TNIK: variants seen among roughly 807,000 people sequenced by gnomAD.
The protein encoded by TNIK is TRAF2 and NCK interacting kinase.
A neutral mutation model predicts 191.3 loss-of-function variants in TNIK; 49 were observed. That is an observed-to-expected ratio of 0.26 (90% CI 0.20 to 0.32). TNIK has a LOEUF of 0.32. Among genes scored for constraint, TNIK ranks in the 10% least tolerant of loss-of-function variants. The probability of loss-of-function intolerance (pLI) is 1.00; values close to 1 mark genes in which losing one functional copy is unlikely to be tolerated. For missense variants in TNIK, 1,155 were observed against 1,702.3 expected (o/e 0.68, Z 5.66); for synonymous variants, 594 against 600.9 (o/e 0.99, Z 0.17).
chr3:171,392,778 CAAAAAAAAA>C (rs60306915), intron 1 of TNIK, among the ~76,000 whole-genome samples: 2 of 95,282 alleles, frequency 2.1e-5, no homozygotes, highest in Non-Finnish European at 4.1e-5. Context: ...GATTCTGTCT[CAAAAAAAAA>C]AAAAAAAAGA....
chr3:171,070,343 G>C (rs1719021535), intron 29 of TNIK, among the ~76,000 whole-genome samples: 2 of 152,114 alleles, frequency 1.3e-5, no homozygotes, highest in Non-Finnish European at 2.9e-5. Context: ...CCCTTCATGA[G>C]AATGTGGCAG....
At chr3:171,318,190 T>G (rs578254422) in intron 2 of TNIK, among the ~76,000 whole-genome samples, 1 of 152,288 alleles carries the variant, frequency 6.6e-6, no homozygotes, top group South Asian at 2.1e-4. Flanking sequence ...TAGATTGAAA[T>G]GTCTCTGGAA....
chr3:171,428,659 A>G (rs372553131), intron 1 of TNIK, among the ~76,000 whole-genome samples: 99 of 141,840 alleles, frequency 7.0e-4, no homozygotes, highest in African/African-American at 2.6e-3. Context: ...TCCAAAGAGC[A>G]CTCCCGCAGG....
chr3:171,145,472 C>A (rs2108655593), intron 12 of TNIK, among the ~76,000 whole-genome samples: 1 of 152,202 alleles, frequency 6.6e-6, no homozygotes, highest in East Asian at 1.9e-4. Context: ...CTATTGGGGG[C>A]AGTTTTGATC....
At chr3:171,158,947 C>T (rs566983130) in intron 11 of TNIK, among the ~76,000 whole-genome samples, 2 of 152,222 alleles carry the variant, frequency 1.3e-5, no homozygotes, top group South Asian at 2.1e-4. Flanking sequence ...TTTTGAGCAA[C>T]TGAACACCAG....
chr3:171,218,775 T>A (rs1039703502), intron 3 of TNIK, among the ~76,000 whole-genome samples: 81 of 145,036 alleles, frequency 5.6e-4, no homozygotes, highest in African/African-American at 1.9e-3. Context: ...TATACATGTA[T>A]TATATGCATA....
At chr3:171,260,658 T>C (rs1408279396) in intron 2 of TNIK, among the ~76,000 whole-genome samples, 1 of 152,208 alleles carries the variant, frequency 6.6e-6, no homozygotes, top group Non-Finnish European at 1.5e-5. Context: ...CAATGGTGGC[T>C]GCACCATCTG....
intron 12 of TNIK, among the ~76,000 whole-genome samples, chr3:171,150,544 C>T (rs1013203678): frequency 7.2e-5 from 11 of 152,314 alleles, no homozygotes; most frequent in Admixed American, 7.2e-4. Context: ...AAATTTCATG[C>T]AGCCACTTGG....
At chr3:171,357,980 T>C (rs1199056581) in intron 2 of TNIK, among the ~76,000 whole-genome samples, 1 of 152,076 alleles carries the variant, frequency 6.6e-6, no homozygotes, top group African/African-American at 2.4e-5. Context: ...AGTGTGGGGC[T>C]ACTCTGTGGA....
intron 23 of TNIK, among the ~76,000 whole-genome samples, chr3:171,091,603 C>T (rs867755216): frequency 5.3e-5 from 8 of 152,122 alleles, no homozygotes; most frequent in Middle Eastern, 3.4e-3. Flanking sequence ...TTTAGCTGGG[C>T]GTGCACCCGT....
chr3:171,236,509 C>T (rs936337238), intron 2 of TNIK, among the ~76,000 whole-genome samples: 1 of 152,136 alleles, frequency 6.6e-6, no homozygotes, highest in Admixed American at 6.5e-5. Context: ...CAACAGCTTA[C>T]CAGAGGAAAG....
At position 171,284,126 on chromosome 3, in the gene TNIK, G is replaced by A. The variant is rs544289155; in HGVS notation, c.124-55905C>T. Among the ~76,000 whole-genome samples the A allele has an allele frequency of 1.1e-4, 17 of 152,012 alleles. No homozygotes were observed. In the South Asian group the frequency reaches 2.9e-3, roughly 26 times the overall value. On this transcript the variant is annotated intron_variant, in intron 2 of 32. Transcript: ENST00000436636. ...TGAATCTGAAACTCTGGAGGGGGGC[G>A]GCAGGGAGGAGGGCAGGAATTTGTG...
intron 2 of TNIK, among the ~76,000 whole-genome samples, chr3:171,248,598 T>C (rs1745877174): frequency 6.6e-6 from 1 of 152,080 alleles, no homozygotes; most frequent in Non-Finnish European, 1.5e-5. Flanking sequence ...AACAGGTGTG[T>C]AGGGTGTGAG....
At chr3:171,171,302 A>G (rs1455156243) in intron 9 of TNIK, among the ~76,000 whole-genome samples, 1 of 152,176 alleles carries the variant, frequency 6.6e-6, no homozygotes, top group Non-Finnish European at 1.5e-5. Flanking sequence ...TCTGATACAC[A>G]CACACGAACT....
chr3:171,359,688 C>T (rs772916555), intron 2 of TNIK, among the ~76,000 whole-genome samples: 1 of 152,060 alleles, frequency 6.6e-6, no homozygotes, highest in Non-Finnish European at 1.5e-5. Context: ...TTTGCATATG[C>T]AAAATATCCA....
intron 1 of TNIK, among the ~76,000 whole-genome samples, chr3:171,392,278 A>G: frequency 6.6e-6 from 1 of 152,202 alleles, no homozygotes; most frequent in East Asian, 1.9e-4. Flanking sequence ...TTGAAACTTG[A>G]AAACTGTATA....
At chr3:171,193,844 G>A (rs527258707) in intron 5 of TNIK, among the ~76,000 whole-genome samples, 3 of 152,292 alleles carry the variant, frequency 2.0e-5, no homozygotes, top group Admixed American at 1.3e-4. Flanking sequence ...TAGTCTGAAT[G>A]AACTAAAATA....
rs557767300 is a variant in TNIK at position 171,247,613 on chromosome 3, T to C, written c.124-19392A>G. 5.9e-5 allele frequency among the ~76,000 whole-genome samples: 9 copies of C among 152,162 alleles called. No homozygotes were observed. In the South Asian group the frequency reaches 1.9e-3, roughly 32 times the overall value. ...TGGGCTTCAGGAGGTCAAGTCAGTC[T>C]ACAGAGACAGAAGGACTTGCAATGA... On this transcript the variant is annotated intron_variant, in intron 2 of 32. Transcript: ENST00000436636.
At chr3:171,222,393 G>A (rs73043067) in intron 3 of TNIK, among the ~76,000 whole-genome samples, 5,332 of 152,120 alleles carry the variant, frequency 0.035, 316 homozygotes, top group African/African-American at 0.12. Context: ...GATTAAATGA[G>A]TACTAAGTAC....
Sources: gnomAD v4.1 joint callset for allele counts (sites outside exome capture counted in the v4.1 genomes callset) on GRCh38, gnomAD v4.1.1 for gene constraint, MANE v1.5 for transcripts, NCBI Gene and HGNC (gene_info 2026-07-23, HGNC 2026-07-21) for gene names.